Variants in CCDC178 observed in about 807,000 individuals in gnomAD.
The protein encoded by CCDC178 is coiled-coil domain-containing protein 178.
A neutral mutation model predicts 117.4 loss-of-function variants in CCDC178; 126 were observed. That is an observed-to-expected ratio of 1.07 (90% CI 0.93 to 1.24). CCDC178 has a LOEUF of 1.24. CCDC178 is among the 50% of genes most tolerant of loss of function. CCDC178 has a pLI of 0.00. For synonymous variants in CCDC178, 283 were observed against 313.4 expected (o/e 0.90, Z 1.02); for missense variants, 1,030 against 986.9 (o/e 1.04, Z -0.59).
chr18:33,156,641 CAAAAA>C (rs35712594), intron 20 of CCDC178, among the ~76,000 whole-genome samples: 7 of 99,242 alleles, frequency 7.1e-5, no homozygotes, highest in South Asian at 4.3e-4. Context: ...TCCTCCCTCT[CAAAAA>C]AAAAAAAAAA....
rs1444401725 is a variant in CCDC178 at position 33,359,990 on chromosome 18, A to G, written c.349-3644T>C. Among the ~76,000 whole-genome samples the G allele has an allele frequency of 4.0e-5, 6 of 151,478 alleles. No individual in the cohort carries two copies. In the East Asian group the frequency reaches 1.2e-3, roughly 29 times the overall value. ...TATTTTAATGCTATTATTGAGACAA[A>G]AAGTATTCATGAAACCTTCTATTTT... On this transcript the variant is annotated intron_variant, in intron 6 of 22. Transcript: ENST00000383096.
chr18:32,974,972 A>T (rs1256879915), intron 21 of CCDC178, among the ~76,000 whole-genome samples: 1 of 152,116 alleles, frequency 6.6e-6, no homozygotes, highest in Non-Finnish European at 1.5e-5. Flanking sequence ...GATGAGTAAA[A>T]TATTTCTACT....
chr18:33,232,871 C>A (rs1246410739), intron 15 of CCDC178, among the ~76,000 whole-genome samples: 2 of 152,016 alleles, frequency 1.3e-5, no homozygotes, highest in Non-Finnish European at 2.9e-5. Context: ...AAGCAGAAGT[C>A]TCATTAATTT....
At chr18:32,992,961 T>C (rs968148009) in intron 21 of CCDC178, among the ~76,000 whole-genome samples, 2 of 151,980 alleles carry the variant, frequency 1.3e-5, no homozygotes, top group African/African-American at 4.8e-5. Flanking sequence ...AGGTCAGGAG[T>C]TCGAGACCAG....
chr18:33,388,468 C>T (rs2063523540), intron 5 of CCDC178, among the ~76,000 whole-genome samples: 1 of 151,088 alleles, frequency 6.6e-6, no homozygotes, highest in South Asian at 2.1e-4. Context: ...AACCCAAATG[C>T]CCATCAATGA....
At chr18:33,259,297 A>G (rs563135709) in intron 14 of CCDC178, among the ~76,000 whole-genome samples, 1 of 152,330 alleles carries the variant, frequency 6.6e-6, no homozygotes, top group South Asian at 2.1e-4. Flanking sequence ...GCTGCAGTGC[A>G]GAAGCTCCTG....
chr18:33,305,698 C>G (rs1019731770), intron 11 of CCDC178, among the ~76,000 whole-genome samples: 5 of 152,150 alleles, frequency 3.3e-5, no homozygotes, highest in Admixed American at 1.3e-4. Context: ...CTTTCTTGCA[C>G]CAGAGGAGCT....
intron 20 of CCDC178, among the ~76,000 whole-genome samples, chr18:33,100,152 G>A (rs551223318): frequency 8.0e-4 from 121 of 151,910 alleles, no homozygotes; most frequent in African/African-American, 2.8e-3. Context: ...GAATACTTCC[G>A]TTAGCTGCCC....
At chr18:33,218,182 CACATT>C (rs774515553) in intron 18 of CCDC178, among the ~76,000 whole-genome samples, 5,189 of 152,080 alleles carry the variant, frequency 0.034, 136 homozygotes, top group Admixed American at 0.05. Flanking sequence ...CTATTGGAAC[CACATT>C]TGACATACAT....
chr18:33,333,579 G>C (rs553871674), intron 9 of CCDC178, among the ~76,000 whole-genome samples, 185 bp from the exon 10 acceptor site: 2 of 134,766 alleles, frequency 1.5e-5, no homozygotes, highest in South Asian at 4.7e-4. Flanking sequence ...GCAATGGCAC[G>C]ATCTTGGCTT....
intron 21 of CCDC178, among the ~76,000 whole-genome samples, chr18:33,066,064 T>C (rs1342093048): frequency 6.6e-6 from 1 of 151,974 alleles, no homozygotes; most frequent in Non-Finnish European, 1.5e-5. Flanking sequence ...GGTTTTACCG[T>C]GTTGGCCAGG....
intron 14 of CCDC178, among the ~76,000 whole-genome samples, chr18:33,246,198 T>C (rs954564290): frequency 2.6e-5 from 4 of 151,886 alleles, no homozygotes; most frequent in African/African-American, 9.7e-5. Context: ...GATTCTAACA[T>C]GCAACCAGAA....
At chr18:33,119,113 A>G (rs2057900034) in intron 20 of CCDC178, among the ~76,000 whole-genome samples, 1 of 152,384 alleles carries the variant, frequency 6.6e-6, no homozygotes, top group East Asian at 1.9e-4. Context: ...AACATCATTC[A>G]GGACATAGGT....
At chr18:33,365,844 A>G (rs914936213) in intron 6 of CCDC178, among the ~76,000 whole-genome samples, 8 of 152,208 alleles carry the variant, frequency 5.3e-5, no homozygotes, top group East Asian at 3.9e-4. Context: ...AAATAAAACA[A>G]GAGTCTTTTA....
chr18:33,236,791 C>T lies in CCDC178; in HGVS notation c.1593+8454G>A, dbSNP rs530539702. ...TAATTGGAAGTCCAAGAGAGCAGCA[C>T]GAAGGCACCTGGCCTCTGCAGCCCC... On this transcript the variant is annotated intron_variant, in intron 15 of 22. Coordinates refer to ENST00000383096, the MANE Select transcript of CCDC178 (RefSeq NM_001105528.4). Among the ~76,000 whole-genome samples the T allele has an allele frequency of 3.3e-5, 5 of 152,236 alleles. No individual in the cohort carries two copies. In the South Asian group the frequency reaches 6.2e-4, roughly 19 times the overall value.
At chr18:33,261,361 G>A (rs1359793804) in intron 14 of CCDC178, among the ~76,000 whole-genome samples, 1 of 152,180 alleles carries the variant, frequency 6.6e-6, no homozygotes. Context: ...GGGACTACAG[G>A]CTTGAGCCAC....
chr18:33,344,432 A>G (rs2062859761), intron 9 of CCDC178, among the ~76,000 whole-genome samples: 1 of 151,996 alleles, frequency 6.6e-6, no homozygotes, highest in African/African-American at 2.4e-5. Context: ...TAGATCTTGT[A>G]TTGATTAAAA....
chr18:33,328,007 C>A, intron 10 of CCDC178: 1 of 364,460 alleles, frequency 2.7e-6, no homozygotes. Context: ...TTAATTTTGA[C>A]TAAGTCCTAT....
At chr18:33,202,602 G>A (rs900268624) in intron 20 of CCDC178, among the ~76,000 whole-genome samples, 3 of 151,942 alleles carry the variant, frequency 2.0e-5, no homozygotes, top group African/African-American at 4.8e-5. Context: ...GTCTACATCC[G>A]CATTCCTATT....
Sources: allele counts gnomAD v4.1 joint callset (sites outside exome capture counted in the v4.1 genomes callset), GRCh38; gene constraint gnomAD v4.1.1; transcripts MANE v1.5; gene names NCBI Gene and HGNC (gene_info 2026-07-23, HGNC 2026-07-21).